FBXL4: variants seen among roughly 807,000 people sequenced by gnomAD.
FBXL4 encodes the protein F-box and leucine rich repeat protein 4.
In FBXL4, 40 loss-of-function variants were observed where a neutral mutation model predicts 58.9. The ratio of observed to expected loss-of-function variants is 0.68; its 90% CI spans 0.53 to 0.88. The LOEUF is 0.88. Among genes scored for constraint, FBXL4 ranks in the 40% least tolerant of loss-of-function variants. The pLI is 0.00. For synonymous variants in FBXL4, 263 were observed against 265.5 expected (o/e 0.99, Z 0.09); for missense variants, 676 against 734.4 (o/e 0.92, Z 0.92).
At chr6:98,904,790 G>A (rs1771736746) in intron 6 of FBXL4, among the ~76,000 whole-genome samples, 1 of 152,092 alleles carries the variant, frequency 6.6e-6, no homozygotes, top group South Asian at 2.1e-4. Context: ...TGTATCCTAA[G>A]AAAAAATTAC....
Position 98,926,861 on chromosome 6 carries a change from T to C in FBXL4, c.128A>G (p.Gln43Arg), listed in dbSNP as rs1420036017. 1 of 1,614,096 alleles carries C rather than the reference T, an allele frequency of 6.2e-7. No homozygotes were observed. The highest frequency in any genetic ancestry group is 1.3e-5 in the African/African-American group (1 of 74,938). ...NTHRAIESNS[Q>R]TSPLNAEVVQ... ...TACCTCTGCATTGAGAGGGGAAGTC[T>C]GGCTGTTTGATTCTATAGCTCTATG... is the stretch of plus-strand genomic sequence containing the variant. Residue 43 changes from glutamine to arginine, a missense_variant, in exon 4 of 10, where the codon CAG (glutamine) becomes CGG (arginine). Coordinates refer to ENST00000369244, the MANE Select transcript of FBXL4 (RefSeq NM_001278716.2).
At chr6:98,887,539 CA>C in intron 7 of FBXL4, among the ~76,000 whole-genome samples, 1 of 152,218 alleles carries the variant, frequency 6.6e-6, no homozygotes, top group East Asian at 1.9e-4. Flanking sequence ...AAGAGGAATT[CA>C]CAGCAAATAT....
At chr6:98,931,755 T>G (rs1773017049) in intron 2 of FBXL4, among the ~76,000 whole-genome samples, 1 of 152,162 alleles carries the variant, frequency 6.6e-6, no homozygotes, top group South Asian at 2.1e-4. Context: ...TAAAAGTGTT[T>G]TAGGGGTGGG....
chr6:98,894,270 T>C (rs889587692), intron 7 of FBXL4, among the ~76,000 whole-genome samples: 2 of 152,190 alleles, frequency 1.3e-5, no homozygotes, highest in African/African-American at 4.8e-5. Flanking sequence ...ATAAGAATCT[T>C]ATGAAAAGAA....
chr6:98,897,393 A>C (rs1457809550), intron 7 of FBXL4: 1 of 968,838 alleles, frequency 1.0e-6, no homozygotes, highest in Non-Finnish European at 1.2e-6. Context: ...TAATTATTTC[A>C]TTTTACAAAT....
At chr6:98,916,668 T>C (rs1263143552) in intron 5 of FBXL4, among the ~76,000 whole-genome samples, 2 of 151,028 alleles carry the variant, frequency 1.3e-5, no homozygotes, top group African/African-American at 4.9e-5. Flanking sequence ...GGGACTGTTG[T>C]GGGGTGGGGC....
Position 98,899,255 on chromosome 6 carries a change from G to A in FBXL4, c.1317+13C>T, listed in dbSNP as rs761093364. 3 of 1,611,382 alleles carry A rather than the reference G, an allele frequency of 1.9e-6. No individual in the cohort carries two copies. The highest frequency in any genetic ancestry group is 2.2e-5 in the South Asian group (2 of 90,896). ...CCATAATAGCAATGATGAAAATTATGAATTACTCTCACCTCTACTTTTGTT... is the reference window on the plus strand; with the variant it reads ...CCATAATAGCAATGATGAAAATTATAAATTACTCTCACCTCTACTTTTGTT... On this transcript the variant is annotated intron_variant, in intron 7 of 9. Coordinates refer to ENST00000369244, the MANE Select transcript of FBXL4 (RefSeq NM_001278716.2).
chr6:98,904,552 AT>A (rs1316170926), intron 6 of FBXL4, among the ~76,000 whole-genome samples: 1 of 152,166 alleles, frequency 6.6e-6, no homozygotes, highest in Non-Finnish European at 1.5e-5. Context: ...CGAATTTCTA[AT>A]TCATAAACCA....
chr6:98,920,559 A>G (rs1403555571), intron 4 of FBXL4, among the ~76,000 whole-genome samples: 1 of 152,124 alleles, frequency 6.6e-6, no homozygotes, highest in Non-Finnish European at 1.5e-5. Context: ...AAAAGACAGA[A>G]AAATTATTTG....
At chr6:98,896,989 T>C in intron 7 of FBXL4, 9 of 985,056 alleles carry the variant, frequency 9.1e-6, no homozygotes, top group Non-Finnish European at 9.6e-6. Flanking sequence ...CTATACAACA[T>C]TTCAAAAACA....
chr6:98,876,704 A>C (rs999167615), intron 8 of FBXL4, among the ~76,000 whole-genome samples: 1 of 152,176 alleles, frequency 6.6e-6, no homozygotes, highest in Non-Finnish European at 1.5e-5. Flanking sequence ...GAGTGATCAG[A>C]GTGTCACGGG....
intron 7 of FBXL4, chr6:98,898,567 T>C: frequency 5.4e-6 from 5 of 918,112 alleles, no homozygotes; most frequent in Non-Finnish European, 6.5e-6. Context: ...ACCATGCCAT[T>C]GCACTCCAGC....
chr6:98,868,998 T>G lies in FBXL4; in HGVS notation c.*5280A>C, dbSNP rs1770424674. ...CTACTTATAAAAAATATATAATAAATCATGATCTTTGATTAAAGCAAATGA... is the reference window on the plus strand; with the variant it reads ...CTACTTATAAAAAATATATAATAAAGCATGATCTTTGATTAAAGCAAATGA... On this transcript the variant is annotated 3_prime_UTR_variant, in exon 10 of 10. Transcript: ENST00000369244. 6.6e-6 allele frequency: 1 copy of G among 152,278 alleles called. No homozygotes were observed. Among genetic ancestry groups the G allele is most frequent in the South Asian group, 2.1e-4 (1 of 4,826 alleles). 9.4% of individuals were successfully genotyped at this position (152,278 alleles called of 1,614,324 possible).
intron 5 of FBXL4, among the ~76,000 whole-genome samples, chr6:98,909,009 T>TTA (rs1554219895): frequency 1.2e-4 from 2 of 16,622 alleles, no homozygotes; most frequent in Non-Finnish European, 2.0e-4. Context: ...TTAGGCAAAC[T>TTA]TCAATTTTAA....
chr6:98,869,749 G>A lies in FBXL4; in HGVS notation c.*4529C>T, dbSNP rs553306946. ...CTTCACATATGAGTTTTAGTCTTCA[G>A]TTAATTCCTGGGAAATGCCAAAAAT... On this transcript the variant is annotated 3_prime_UTR_variant, in exon 10 of 10. Coordinates refer to ENST00000369244, the MANE Select transcript of FBXL4 (RefSeq NM_001278716.2). The A allele has an allele frequency of 6.6e-6, 1 of 152,274 alleles. No homozygotes were observed. The highest frequency in any genetic ancestry group is 1.5e-5 in the Non-Finnish European group (1 of 68,026). 9.4% of individuals were successfully genotyped at this position (152,274 alleles called of 1,614,324 possible).
chr6:98,912,540 T>G (rs573283422), intron 5 of FBXL4, among the ~76,000 whole-genome samples: 55 of 151,892 alleles, frequency 3.6e-4, no homozygotes, highest in East Asian at 1.2e-3. Context: ...TTAAAGAAAA[T>G]AATTTTCAAC....
chr6:98,897,354 G>A (rs1771444536), intron 7 of FBXL4: 2 of 984,548 alleles, frequency 2.0e-6, no homozygotes, highest in African/African-American at 1.7e-5. Context: ...TGAAAACACA[G>A]GCTAATATCA....
At chr6:98,945,120 A>G (rs1447473730) in intron 1 of FBXL4, among the ~76,000 whole-genome samples, 1 of 152,330 alleles carries the variant, frequency 6.6e-6, no homozygotes, top group East Asian at 1.9e-4. Context: ...CTCATAATTT[A>G]ACACTTATGT....
chr6:98,938,941 AGCT>A (rs1773324847), intron 1 of FBXL4, among the ~76,000 whole-genome samples: 3 of 151,944 alleles, frequency 2.0e-5, no homozygotes, highest in Non-Finnish European at 4.4e-5. Flanking sequence ...ATAAAAAATT[AGCT>A]AAGTGTGGTG....
Sources: gnomAD v4.1 joint callset for allele counts (sites outside exome capture counted in the v4.1 genomes callset) on GRCh38, gnomAD v4.1.1 for gene constraint, MANE v1.5 for transcripts, NCBI Gene and HGNC (gene_info 2026-07-23, HGNC 2026-07-21) for gene names.